The following GALNTL6 variants were observed in gnomAD, a reference collection of about 807,000 sequenced individuals.
GALNTL6 encodes polypeptide N-acetylgalactosaminyltransferase-like 6.
In GALNTL6, 46 loss-of-function variants were observed where a neutral mutation model predicts 73.7. The observed-to-expected ratio is 0.62, with a 90% CI of 0.49 to 0.80. The LOEUF (loss-of-function observed/expected upper bound fraction) is 0.80. GALNTL6 is among the 30% of genes least tolerant of loss of function. The pLI, the probability that GALNTL6 is intolerant of heterozygous loss-of-function variation, is 0.00. For missense variants in GALNTL6, 604 were observed against 755.0 expected (o/e 0.80, Z 2.34); for synonymous variants, 259 against 263.7 (o/e 0.98, Z 0.17).
Position 172,813,595 on chromosome 4 carries a change from C to T in GALNTL6, c.795C>T (p.Asp265=), listed in dbSNP as rs532137474. The T allele has an allele frequency of 6.2e-7, 1 of 1,613,006 alleles. No individual in the cohort carries two copies. The highest frequency in any genetic ancestry group is 2.2e-5 in the East Asian group (1 of 44,848). The change falls in exon 7 of 13, where the codon GAC becomes GAT. Residue 265 remains aspartate (D), a synonymous_variant. Coordinates refer to ENST00000506823, the MANE Select transcript of GALNTL6 (RefSeq NM_001034845.3). Reference sequence around the variant, plus strand: ...TGTGTCCCATGATCGATGTCATTGACCACAATCACTTCGGGTATGAGGCAC... The same window carrying T: ...TGTGTCCCATGATCGATGTCATTGATCACAATCACTTCGGGTATGAGGCAC... ...TIVCPMIDVI[D]HNHFGYEAQA...
chr4:172,564,913 TAA>T (rs1460342181), intron 5 of GALNTL6, among the ~76,000 whole-genome samples: 2 of 152,354 alleles, frequency 1.3e-5, no homozygotes, highest in South Asian at 2.1e-4. Flanking sequence ...TAACTAATGT[TAA>T]ATGGGTGTCT....
intron 5 of GALNTL6, among the ~76,000 whole-genome samples, chr4:172,567,719 C>A (rs1736609486): frequency 1.3e-5 from 2 of 152,018 alleles, no homozygotes; most frequent in Non-Finnish European, 2.9e-5. Context: ...GCCTGTAATC[C>A]CAGCTACTTG....
intron 8 of GALNTL6, among the ~76,000 whole-genome samples, chr4:172,916,908 A>G (rs1747551761): frequency 6.6e-6 from 1 of 152,246 alleles, no homozygotes; most frequent in Non-Finnish European, 1.5e-5. Flanking sequence ...TTTAAAGTTC[A>G]TATGGAACCA....
rs368652479 is a variant in GALNTL6, at chr4:172,313,100, T to TA, written c.386+1349dup. 2.3e-3 allele frequency among the ~76,000 whole-genome samples: 343 copies of TA among 151,074 alleles called. 1 individual carries two copies. The highest frequency in any genetic ancestry group is 4.3e-3 in the Admixed American group (65 of 15,148). ...ATAAATATGCTAAGAGAGTAATTTT[T>TA]ATCTATCCAGTTCCCCCCCCCACCC... is the stretch of plus-strand genomic sequence containing the variant. On this transcript the variant is annotated intron_variant, in intron 4 of 12. Coordinates refer to ENST00000506823, the MANE Select transcript of GALNTL6 (RefSeq NM_001034845.3).
At chr4:172,247,224 T>A (rs775124004) in intron 3 of GALNTL6, among the ~76,000 whole-genome samples, 15 of 152,146 alleles carry the variant, frequency 9.9e-5, no homozygotes, top group Non-Finnish European at 4.4e-5. Flanking sequence ...TGACAATTGA[T>A]GTTTGACAGC....
At chr4:172,923,844 T>G (rs1747911395) in intron 8 of GALNTL6, among the ~76,000 whole-genome samples, 1 of 151,868 alleles carries the variant, frequency 6.6e-6, no homozygotes, top group South Asian at 2.1e-4. Flanking sequence ...ACTCCCCTTA[T>G]AGTAAGCATC....
chr4:172,064,744 C>T (rs1255859369), intron 2 of GALNTL6, among the ~76,000 whole-genome samples: 1 of 152,088 alleles, frequency 6.6e-6, no homozygotes, highest in Non-Finnish European at 1.5e-5. Context: ...ATTCTCCCTC[C>T]TTGCCACAGT....
At chr4:171,886,108 AT>A (rs1446902346) in intron 2 of GALNTL6, among the ~76,000 whole-genome samples, 1 of 152,186 alleles carries the variant, frequency 6.6e-6, no homozygotes, top group African/African-American at 2.4e-5. Context: ...AATTAAAAAA[AT>A]ACCATCATAA....
intron 5 of GALNTL6, among the ~76,000 whole-genome samples, chr4:172,491,116 G>C (rs1733878825): frequency 6.6e-6 from 1 of 152,056 alleles, no homozygotes; most frequent in Non-Finnish European, 1.5e-5. Flanking sequence ...AGTAACATTA[G>C]CATGGACAAA....
chr4:172,081,756 A>G (rs1230102828), intron 2 of GALNTL6, among the ~76,000 whole-genome samples: 3 of 152,250 alleles, frequency 2.0e-5, no homozygotes, highest in African/African-American at 7.2e-5. Flanking sequence ...TGATGCATAT[A>G]CAACAGCCAT....
At chr4:172,277,666 G>A (rs915293056) in intron 3 of GALNTL6, among the ~76,000 whole-genome samples, 1 of 152,110 alleles carries the variant, frequency 6.6e-6, no homozygotes, top group African/African-American at 2.4e-5. Context: ...ATATGTTAAT[G>A]TTTGCTCTGT....
At chr4:172,988,814 C>G (rs764093405) in intron 10 of GALNTL6, among the ~76,000 whole-genome samples, 3 of 152,266 alleles carry the variant, frequency 2.0e-5, no homozygotes, top group Non-Finnish European at 4.4e-5. Context: ...GGTGCAAGCC[C>G]TAAGCCTTGG....
chr4:171,911,559 A>G (rs924823102), intron 2 of GALNTL6, among the ~76,000 whole-genome samples: 2 of 152,212 alleles, frequency 1.3e-5, no homozygotes, highest in Non-Finnish European at 2.9e-5. Context: ...TCAGAAAAGC[A>G]TTAAGTTAAG....
At chr4:172,478,371 CA>C (rs1733318398) in intron 5 of GALNTL6, among the ~76,000 whole-genome samples, 1 of 152,174 alleles carries the variant, frequency 6.6e-6, no homozygotes, top group Admixed American at 6.5e-5. Flanking sequence ...TACCTACAGC[CA>C]GCTGCTCTTT....
intron 5 of GALNTL6, among the ~76,000 whole-genome samples, chr4:172,480,982 GC>G (rs1733439836): frequency 6.6e-6 from 1 of 152,210 alleles, no homozygotes; most frequent in Non-Finnish European, 1.5e-5. Flanking sequence ...ATTGGTCAAA[GC>G]AAGTCACAAC....
intron 2 of GALNTL6, among the ~76,000 whole-genome samples, chr4:172,078,492 C>T (rs1191910600): frequency 6.6e-6 from 1 of 152,104 alleles, no homozygotes; most frequent in Non-Finnish European, 1.5e-5. Flanking sequence ...TGGACTAATA[C>T]AGCTAGAATT....
At chr4:171,867,757 G>A (rs771157430) in intron 2 of GALNTL6, among the ~76,000 whole-genome samples, 1 of 151,954 alleles carries the variant, frequency 6.6e-6, no homozygotes, top group Non-Finnish European at 1.5e-5. Flanking sequence ...AGACAGTGTT[G>A]GCATTAAAAT....
intron 4 of GALNTL6, among the ~76,000 whole-genome samples, chr4:172,337,695 T>G (rs1443117095): frequency 1.1e-5 from 1 of 92,552 alleles, no homozygotes. Context: ...TCTTTAAGGT[T>G]TTTTGTTTTT....
chr4:172,394,723 C>T (rs1474455719), intron 5 of GALNTL6, among the ~76,000 whole-genome samples: 4 of 152,088 alleles, frequency 2.6e-5, no homozygotes, highest in African/African-American at 7.2e-5. Context: ...TGAGCCACCA[C>T]GCCCGGCCCT....
Sources: gnomAD v4.1 joint callset for allele counts (sites outside exome capture counted in the v4.1 genomes callset) on GRCh38, gnomAD v4.1.1 for gene constraint, MANE v1.5 for transcripts, NCBI Gene and HGNC (gene_info 2026-07-23, HGNC 2026-07-21) for gene names.